The following UBE2W variants were observed in gnomAD, a reference collection of about 807,000 sequenced individuals.
The protein encoded by UBE2W is ubiquitin conjugating enzyme E2 W.
Under a neutral mutation model 27.2 loss-of-function variants are expected in UBE2W, and 18 were observed. The ratio of observed to expected loss-of-function variants is 0.66; its 90% CI spans 0.46 to 0.98. The LOEUF (loss-of-function observed/expected upper bound fraction) is 0.98, where lower values mean the gene tolerates loss of function less well. Among genes scored for constraint, UBE2W ranks in the 50% least tolerant of loss-of-function variants. The pLI, the probability that UBE2W is intolerant of heterozygous loss-of-function variation, is 0.00. For missense variants in UBE2W, 90 were observed against 180.2 expected (o/e 0.50, Z 2.87); for synonymous variants, 53 against 57.2 (o/e 0.93, Z 0.33).
intron 1 of UBE2W, among the ~76,000 whole-genome samples, chr8:73,839,431 C>T (rs576366334): frequency 4.3e-4 from 64 of 150,332 alleles, no homozygotes; most frequent in Non-Finnish European, 8.1e-4. Flanking sequence ...GTGGGTGAAT[C>T]ATTTGAGGTC....
In UBE2W at chr8:73,787,176, T is replaced by C. The variant is rs1015710910; in HGVS notation, c.*6926A>G. ...ATCTTACAGGCAACTAAAAAAATGGTTGAAAGGGGCTCCCAACAGGACAGA... is the reference window on the plus strand; with the variant it reads ...ATCTTACAGGCAACTAAAAAAATGGCTGAAAGGGGCTCCCAACAGGACAGA... On this transcript the variant is annotated 3_prime_UTR_variant, in exon 6 of 6. Coordinates refer to ENST00000602593, the MANE Select transcript of UBE2W (RefSeq NM_018299.6). 4.1e-6 allele frequency: 4 copies of C among 985,320 alleles called. No individual in the cohort carries two copies. Among genetic ancestry groups the C allele is most frequent in the African/African-American group, 3.5e-5 (2 of 57,256 alleles). 61.0% of individuals were successfully genotyped at this position (985,320 alleles called of 1,614,324 possible).
chr8:73,835,668 C>G (rs1044955060), intron 1 of UBE2W, among the ~76,000 whole-genome samples: 1 of 152,092 alleles, frequency 6.6e-6, no homozygotes, highest in Non-Finnish European at 1.5e-5. Context: ...TGCTTGTACC[C>G]GGGAGGCAGA....
chr8:73,793,450 A>C lies in UBE2W; in HGVS notation c.*652T>G. 1.1e-5 allele frequency: 11 copies of C among 985,852 alleles called. No individual in the cohort carries two copies. Among genetic ancestry groups the C allele is most frequent in the Non-Finnish European group, 1.3e-5 (11 of 829,900 alleles). The allele number at this position is 985,852 out of a possible 1,614,324, so 61.1% of individuals were successfully genotyped here. ...CATACTGTACCTCTCTGCCAATGTT[A>C]CTTGAAAATCTTCCATGTCAAAACA... On this transcript the variant is annotated 3_prime_UTR_variant, in exon 6 of 6. Coordinates refer to ENST00000602593, the MANE Select transcript of UBE2W (RefSeq NM_018299.6).
At chr8:73,835,436 T>C (rs552408233) in intron 1 of UBE2W, among the ~76,000 whole-genome samples, 69 of 152,222 alleles carry the variant, frequency 4.5e-4, no homozygotes, top group African/African-American at 1.4e-3. Context: ...CAAGATTAGA[T>C]TATTTTAAAA....
At chr8:73,827,872 T>G (rs1273926371) in intron 2 of UBE2W, among the ~76,000 whole-genome samples, 2 of 152,094 alleles carry the variant, frequency 1.3e-5, no homozygotes, top group Non-Finnish European at 2.9e-5. Context: ...TTAAAAAAGT[T>G]AAGATATGTT....
intron 1 of UBE2W, among the ~76,000 whole-genome samples, chr8:73,847,262 C>T (rs1044760201): frequency 7.2e-5 from 11 of 152,074 alleles, no homozygotes; most frequent in African/African-American, 2.2e-4. Context: ...GGAAAAGAAA[C>T]GCAACCTCAC....
chr8:73,866,286 AAAAAATATATATATATATAT>A (rs1262338383), intron 1 of UBE2W, among the ~76,000 whole-genome samples: 3 of 89,768 alleles, frequency 3.3e-5, no homozygotes, highest in African/African-American at 1.4e-4. Flanking sequence ...AAAAAAAAAA[AAAAAATATATATATATATAT>A]ATATATATAT....
chr8:73,781,880 A>C (rs937256685), downstream of UBE2W, among the ~76,000 whole-genome samples: 4 of 148,848 alleles, frequency 2.7e-5, no homozygotes, highest in African/African-American at 1.0e-4. Flanking sequence ...CCACTTTCTC[A>C]TACCTTATTT....
Position 73,791,427 on chromosome 8 carries a change from G to C in UBE2W, c.*2675C>G, listed in dbSNP as rs952889070. 7 of 984,972 alleles carry C rather than the reference G, an allele frequency of 7.1e-6. No individual in the cohort carries two copies. The African/African-American group carries it at 1.2e-4, about 17-fold the overall frequency. The allele number at this position is 984,972 out of a possible 1,614,324, so 61.0% of individuals were successfully genotyped here. ...AAGAAGAGTGTACCTTATCTTCTAA[G>C]TATGAAAGTCTAATTCTGTAGGCCT... On this transcript the variant is annotated 3_prime_UTR_variant, in exon 6 of 6. Transcript: ENST00000602593.
At position 73,786,440 on chromosome 8, in the gene UBE2W, T is replaced by C. The variant is rs896438632; in HGVS notation, c.*7662A>G. On this transcript the variant is annotated 3_prime_UTR_variant, in exon 6 of 6. Coordinates refer to ENST00000602593, the MANE Select transcript of UBE2W (RefSeq NM_018299.6). Reference sequence around the variant, plus strand: ...ATGCCTATGTGCTACAGGTACTGTATACTAGGTACTGTGTGCTACGTGCTG... The same window carrying C: ...ATGCCTATGTGCTACAGGTACTGTACACTAGGTACTGTGTGCTACGTGCTG... 1.0e-6 allele frequency: 1 copy of C among 984,728 alleles called. No homozygotes were observed. The highest frequency in any genetic ancestry group is 5.2e-4 in the Middle Eastern group (1 of 1,914). The allele number at this position is 984,728 out of a possible 1,614,324, so 61.0% of individuals were successfully genotyped here.
At chr8:73,843,914 G>C (rs1236142285) in intron 1 of UBE2W, among the ~76,000 whole-genome samples, 1 of 152,170 alleles carries the variant, frequency 6.6e-6, no homozygotes, top group East Asian at 1.9e-4. Flanking sequence ...GCTTGAACCC[G>C]TGAGACGGAG....
chr8:73,869,086 C>T (rs1251315247), intron 1 of UBE2W, among the ~76,000 whole-genome samples: 1 of 152,036 alleles, frequency 6.6e-6, no homozygotes, highest in East Asian at 1.9e-4. Context: ...TACTTGGCTA[C>T]GAAAAGGAAT....
intron 1 of UBE2W, among the ~76,000 whole-genome samples, chr8:73,858,323 T>C (rs1811388423): frequency 6.8e-6 from 1 of 146,112 alleles, no homozygotes; most frequent in Admixed American, 7.0e-5. Context: ...ATTATGTCAT[T>C]GCACTCCAGC....
intron 1 of UBE2W, among the ~76,000 whole-genome samples, chr8:73,863,968 GA>G (rs1465214913): frequency 1.3e-5 from 2 of 150,738 alleles, no homozygotes; most frequent in African/African-American, 4.9e-5. Flanking sequence ...AAAAAAGGAG[GA>G]AAGTATGATC....
intron 3 of UBE2W, among the ~76,000 whole-genome samples, chr8:73,814,549 C>T (rs796076008): frequency 7.9e-5 from 12 of 152,054 alleles, no homozygotes; most frequent in African/African-American, 2.2e-4. Context: ...GATGGAGTCT[C>T]GCACTGTTGC....
intron 1 of UBE2W, among the ~76,000 whole-genome samples, chr8:73,868,207 A>AG (rs901136498): frequency 4.6e-5 from 7 of 152,132 alleles, no homozygotes; most frequent in South Asian, 4.1e-4. Context: ...TTGGGGAAGA[A>AG]GGGGGGGCTC....
intron 1 of UBE2W, among the ~76,000 whole-genome samples, chr8:73,859,205 G>A (rs1324854371): frequency 6.6e-6 from 1 of 152,062 alleles, no homozygotes; most frequent in Non-Finnish European, 1.5e-5. Flanking sequence ...CTATAACAAG[G>A]ATAAAGATTT....
At chr8:73,829,739 C>T (rs193081021) in intron 2 of UBE2W, among the ~76,000 whole-genome samples, 186 of 152,214 alleles carry the variant, frequency 1.2e-3, no homozygotes, top group Middle Eastern at 0.01. Context: ...CTTTCACTCC[C>T]TGGACCTAGA....
intron 2 of UBE2W, among the ~76,000 whole-genome samples, chr8:73,827,441 C>T (rs1448972817): frequency 2.6e-5 from 4 of 152,048 alleles, no homozygotes; most frequent in African/African-American, 4.8e-5. Flanking sequence ...CTCGAACTCC[C>T]GAACTCGGGT....
Sources: allele counts gnomAD v4.1 joint callset (sites outside exome capture counted in the v4.1 genomes callset), GRCh38; gene constraint gnomAD v4.1.1; transcripts MANE v1.5; gene names NCBI Gene and HGNC (gene_info 2026-07-23, HGNC 2026-07-21).